The following LTBP1 variants were observed in gnomAD, a reference collection of about 807,000 sequenced individuals.
The protein encoded by LTBP1 is latent transforming growth factor beta binding protein 1.
LTBP1 carries 129 observed loss-of-function variants against 207.6 expected under a neutral mutation model. The ratio of observed to expected loss-of-function variants is 0.62; its 90% CI spans 0.54 to 0.72. The LOEUF (loss-of-function observed/expected upper bound fraction) is 0.72, where lower values mean the gene tolerates loss of function less well. Ranked by LOEUF, LTBP1 falls within the 30% of genes least tolerant of loss-of-function variation. The probability of loss-of-function intolerance (pLI) is 0.00; values close to 1 mark genes in which losing one functional copy is unlikely to be tolerated. For missense variants in LTBP1, 2,281 were observed against 2,217.2 expected (o/e 1.03, Z -0.58); for synonymous variants, 963 against 833.7 (o/e 1.16, Z -2.67).
intron 3 of LTBP1, among the ~76,000 whole-genome samples, chr2:33,054,494 C>T (rs2076893334): frequency 6.6e-6 from 1 of 152,114 alleles, no homozygotes; most frequent in African/African-American, 2.4e-5. Context: ...TAACTTGTTC[C>T]CCATATTCAT....
intron 19 of LTBP1, among the ~76,000 whole-genome samples, chr2:33,284,461 G>A (rs115187862): frequency 5.7e-4 from 87 of 152,238 alleles, no homozygotes; most frequent in South Asian, 2.3e-3. Context: ...AGAGAGTCAC[G>A]TTCGTCATTC....
rs377379036 is a variant in LTBP1 at position 33,262,772 on chromosome 2, C to G, written c.2469C>G (p.Pro823=). 2 of 1,606,896 alleles carry G rather than the reference C, an allele frequency of 1.2e-6. No homozygotes were observed. Among genetic ancestry groups the G allele is most frequent in the African/African-American group, 2.7e-5 (2 of 74,626 alleles). The change falls in exon 14 of 34, where the codon CCC becomes CCG. Residue 823 remains proline (P), a synonymous_variant. Transcript: ENST00000404816. ...QEKTKLEPGQ[P]QLSPGISTIH... Reference sequence around the variant, plus strand: ...AAACCAAACTTGAGCCTGGTCAACCCCAGCTGTCTCCAGGCATTTCCACTA... The same window carrying G: ...AAACCAAACTTGAGCCTGGTCAACCGCAGCTGTCTCCAGGCATTTCCACTA...
At chr2:32,965,792 G>A (rs1679910087) in intron 2 of LTBP1, among the ~76,000 whole-genome samples, 1 of 152,132 alleles carries the variant, frequency 6.6e-6, no homozygotes, top group Non-Finnish European at 1.5e-5. Flanking sequence ...AAACATTTTT[G>A]TACAGGATTT....
intron 26 of LTBP1, among the ~76,000 whole-genome samples, chr2:33,352,383 G>A (rs1284632557): frequency 6.6e-6 from 1 of 152,124 alleles, no homozygotes; most frequent in Non-Finnish European, 1.5e-5. Flanking sequence ...ACCTGCCTCG[G>A]CCTTCCAAAG....
chr2:33,042,387 G>A (rs1405645008), intron 3 of LTBP1, among the ~76,000 whole-genome samples: 2 of 152,148 alleles, frequency 1.3e-5, no homozygotes, highest in Non-Finnish European at 2.9e-5. Context: ...ATGAAGATGA[G>A]GTTTTTTCTG....
In LTBP1 at chr2:33,053,241, A is replaced by G. The variant is rs901685720; in HGVS notation, c.863+32035A>G. On this transcript the variant is annotated intron_variant, in intron 3 of 33. Coordinates refer to ENST00000404816, the MANE Select transcript of LTBP1 (RefSeq NM_206943.4). Reference sequence around the variant, plus strand: ...TTGGAGAGGAAGGTCCAGACTTCCTATATACCCTGGCCCCTGCAACCCCTC... The same window carrying G: ...TTGGAGAGGAAGGTCCAGACTTCCTGTATACCCTGGCCCCTGCAACCCCTC... Among the ~76,000 whole-genome samples, 7 of 152,124 alleles carry G rather than the reference A, an allele frequency of 4.6e-5. No individual in the cohort carries two copies. The East Asian group carries it at 5.8e-4, about 13-fold the overall frequency.
intron 3 of LTBP1, among the ~76,000 whole-genome samples, chr2:33,109,033 A>G (rs2080233669): frequency 6.6e-6 from 1 of 152,248 alleles, no homozygotes; most frequent in Admixed American, 6.5e-5. Context: ...TAGATTTTCC[A>G]GGCTTTCCTG....
chr2:33,172,981 A>C (rs1336736605), intron 5 of LTBP1, among the ~76,000 whole-genome samples: 5 of 152,110 alleles, frequency 3.3e-5, no homozygotes, highest in Non-Finnish European at 4.4e-5. Flanking sequence ...AACATACCAG[A>C]ATCTCTGGGA....
intron 4 of LTBP1, among the ~76,000 whole-genome samples, chr2:33,116,518 G>T (rs1323923303): frequency 6.6e-6 from 1 of 152,182 alleles, no homozygotes; most frequent in Admixed American, 6.5e-5. Flanking sequence ...GGGAGAAAGA[G>T]AGAGAGAAAT....
chr2:33,181,406 T>C (rs1386972553), intron 5 of LTBP1, among the ~76,000 whole-genome samples: 3 of 152,166 alleles, frequency 2.0e-5, no homozygotes, highest in African/African-American at 7.2e-5. Flanking sequence ...CAGACCAAAG[T>C]GAATGGTGGA....
At chr2:33,206,381 C>G (rs1049866933) in intron 7 of LTBP1, among the ~76,000 whole-genome samples, 1 of 152,064 alleles carries the variant, frequency 6.6e-6, no homozygotes. Flanking sequence ...GTTTTTGGTT[C>G]CTTTGATTAT....
intron 3 of LTBP1, among the ~76,000 whole-genome samples, chr2:33,065,529 G>A (rs1461640663): frequency 6.6e-6 from 1 of 151,972 alleles, no homozygotes; most frequent in Non-Finnish European, 1.5e-5. Context: ...CATCCTGGGT[G>A]ACAGAGTAAG....
At chr2:33,339,600 G>C (rs536131503) in intron 24 of LTBP1, among the ~76,000 whole-genome samples, 1 of 151,828 alleles carries the variant, frequency 6.6e-6, no homozygotes, top group East Asian at 1.9e-4. Flanking sequence ...TGTGTTTACT[G>C]TTGTAAGGGA....
At chr2:33,179,790 G>A (rs1190177687) in intron 5 of LTBP1, among the ~76,000 whole-genome samples, 1 of 152,108 alleles carries the variant, frequency 6.6e-6, no homozygotes, top group African/African-American at 2.4e-5. Flanking sequence ...GTTTTTCCCC[G>A]GTTCTGTGTC....
Position 33,398,428 on chromosome 2 carries a change from C to T in LTBP1, c.5049C>T (p.Asn1683=), listed in dbSNP as rs779842292. The T allele has an allele frequency of 1.9e-6, 3 of 1,614,210 alleles. No homozygotes were observed. Among genetic ancestry groups the T allele is most frequent in the Non-Finnish European group, 2.5e-6 (3 of 1,180,030 alleles). ...MSLCKNAKCI[N]TDGSYKCLCL... is the part of the protein sequence containing the mutation. ...TCTGCAAGAATGCCAAGTGCATTAA[C>T]ACCGATGGTTCCTACAAGTGTTTGT... Residue 1683 remains asparagine, a synonymous_variant, in exon 34 of 34, where the codon AAC becomes AAT. Transcript: ENST00000404816.
chr2:33,023,115 C>T (rs889039441), intron 3 of LTBP1, among the ~76,000 whole-genome samples: 1 of 152,132 alleles, frequency 6.6e-6, no homozygotes, highest in Non-Finnish European at 1.5e-5. Context: ...CTAGACATCT[C>T]CCTTCCAACA....
At chr2:33,257,209 C>T (rs1273879887) in intron 11 of LTBP1, 75 bp from the exon 12 acceptor site, 19 of 1,071,464 alleles carry the variant, frequency 1.8e-5, no homozygotes, top group African/African-American at 4.7e-5. Flanking sequence ...AAGAGCTATT[C>T]ATCATGATAT....
At chr2:32,976,303 A>G (rs1348496703) in intron 2 of LTBP1, among the ~76,000 whole-genome samples, 1 of 152,114 alleles carries the variant, frequency 6.6e-6, no homozygotes, top group East Asian at 1.9e-4. Context: ...GGTGCCAGCC[A>G]ACACCTTTCC....
chr2:33,079,818 A>G (rs1224569796), intron 3 of LTBP1, among the ~76,000 whole-genome samples: 1 of 152,164 alleles, frequency 6.6e-6, no homozygotes, highest in African/African-American at 2.4e-5. Context: ...CACTTGCAAC[A>G]CAGTTAAGTT....
Sources: allele counts gnomAD v4.1 joint callset (sites outside exome capture counted in the v4.1 genomes callset), GRCh38; gene constraint gnomAD v4.1.1; transcripts MANE v1.5; gene names NCBI Gene and HGNC (gene_info 2026-07-23, HGNC 2026-07-21).